ADAMTS18: variants seen among roughly 807,000 people sequenced by gnomAD.
ADAMTS18 encodes the protein ADAM metallopeptidase with thrombospondin type 1 motif 18.
ADAMTS18 carries 157 observed loss-of-function variants against 165.9 expected under a neutral mutation model. The observed-to-expected ratio is 0.95, with a 90% CI of 0.83 to 1.08. The LOEUF is 1.08. Among genes scored for constraint, ADAMTS18 ranks in the 50% least tolerant of loss-of-function variants. The probability of loss-of-function intolerance (pLI) is 0.00; values close to 1 mark genes in which losing one functional copy is unlikely to be tolerated. For missense variants in ADAMTS18, 2,040 were observed against 1,534.0 expected (o/e 1.33, Z -5.51); for synonymous variants, 782 against 578.2 (o/e 1.35, Z -5.06).
intron 3 of ADAMTS18, among the ~76,000 whole-genome samples, chr16:77,388,663 C>G (rs1432434202): frequency 1.3e-5 from 2 of 152,122 alleles, no homozygotes; most frequent in African/African-American, 4.8e-5. Context: ...ATAATGCCTG[C>G]CACACAGTGA....
At chr16:77,387,719 A>T (rs1462389909) in intron 3 of ADAMTS18, among the ~76,000 whole-genome samples, 3 of 152,190 alleles carry the variant, frequency 2.0e-5, no homozygotes, top group Non-Finnish European at 4.4e-5. Flanking sequence ...AAAAAATTTT[A>T]AAAAGTTTTG....
At chr16:77,398,258 A>C (rs993695025) in intron 3 of ADAMTS18, among the ~76,000 whole-genome samples, 2 of 152,124 alleles carry the variant, frequency 1.3e-5, no homozygotes, top group African/African-American at 4.8e-5. Flanking sequence ...CAGAGGTTGC[A>C]GTGAGCCAAG....
At chr16:77,387,974 T>C (rs763235868) in intron 3 of ADAMTS18, among the ~76,000 whole-genome samples, 1 of 152,280 alleles carries the variant, frequency 6.6e-6, no homozygotes, top group Admixed American at 6.5e-5. Flanking sequence ...CCAACCCCCA[T>C]CCTTTACTGC....
At chr16:77,424,320 T>G (rs571509205) in intron 3 of ADAMTS18, among the ~76,000 whole-genome samples, 33 of 152,152 alleles carry the variant, frequency 2.2e-4, no homozygotes, top group South Asian at 8.3e-4. Context: ...AATACAAAAT[T>G]AGCCGGACAT....
intron 18 of ADAMTS18, among the ~76,000 whole-genome samples, chr16:77,296,597 C>T (rs1026937853): frequency 3.3e-5 from 5 of 152,152 alleles, no homozygotes; most frequent in Non-Finnish European, 7.4e-5. Flanking sequence ...CTTTGGGATG[C>T]TGAAAACAGG....
chr16:77,318,213 T>C (rs1305708805), intron 16 of ADAMTS18, among the ~76,000 whole-genome samples: 2 of 152,232 alleles, frequency 1.3e-5, no homozygotes, highest in African/African-American at 2.4e-5. Context: ...TTCTCAGTGT[T>C]TTATGCATTC....
At chr16:77,414,662 G>T (rs2057506901) in intron 3 of ADAMTS18, among the ~76,000 whole-genome samples, 1 of 151,996 alleles carries the variant, frequency 6.6e-6, no homozygotes, top group Admixed American at 6.6e-5. Flanking sequence ...ATTTCATGGG[G>T]GAATAAAACA....
In ADAMTS18 at chr16:77,364,233, A is replaced by G; in HGVS notation, c.927T>C (p.His309=). Residue 309 remains histidine (H), a synonymous_variant, in exon 5 of 23, where the codon CAT becomes CAC. Coordinates refer to ENST00000282849, the MANE Select transcript of ADAMTS18 (RefSeq NM_199355.4). ...VVADKKMVEK[H]GKGNVTTYIL... ...TGTATGTGGTGACATTTCCCTTGCC[A>G]TGCTTTTCCACCATTTTCTTGTCTG... 1.2e-6 allele frequency: 2 copies of G among 1,613,982 alleles called. No individual in the cohort carries two copies.
intron 3 of ADAMTS18, among the ~76,000 whole-genome samples, chr16:77,370,342 A>C (rs1281906009): frequency 2.0e-5 from 3 of 152,242 alleles, no homozygotes; most frequent in African/African-American, 7.2e-5. Context: ...AACTCTAAAG[A>C]AACAATCAAA....
chr16:77,330,409 G>A (rs893657197), intron 12 of ADAMTS18, among the ~76,000 whole-genome samples: 1 of 152,182 alleles, frequency 6.6e-6, no homozygotes, highest in Non-Finnish European at 1.5e-5. Context: ...TTAAGACTAT[G>A]GGAACTTAAT....
chr16:77,377,341 T>C (rs1035830343), intron 3 of ADAMTS18, among the ~76,000 whole-genome samples: 10 of 152,194 alleles, frequency 6.6e-5, no homozygotes, highest in Admixed American at 1.3e-4. Flanking sequence ...TGTGAAGAGC[T>C]TTAAAGATCA....
intron 10 of ADAMTS18, among the ~76,000 whole-genome samples, chr16:77,348,856 T>TG (rs894635405): frequency 2.0e-5 from 3 of 152,156 alleles, no homozygotes; most frequent in African/African-American, 2.4e-5. Flanking sequence ...AGGTAACACT[T>TG]GAATTGAATC....
intron 2 of ADAMTS18, chr16:77,433,290 T>C (rs1264364540): frequency 1.3e-5 from 2 of 152,242 alleles, no homozygotes; most frequent in African/African-American, 4.8e-5. Flanking sequence ...TGGAAGGCTC[T>C]GTAGGAACGT....
At chr16:77,342,115 A>T (rs954183244) in intron 10 of ADAMTS18, among the ~76,000 whole-genome samples, 2 of 152,210 alleles carry the variant, frequency 1.3e-5, no homozygotes, top group Non-Finnish European at 2.9e-5. Flanking sequence ...TAACCGTCGT[A>T]GCAGAATACA....
chr16:77,326,082 C>T (rs370489756), intron 12 of ADAMTS18, 44 bp from the exon 13 acceptor site: 2 of 1,576,194 alleles, frequency 1.3e-6, no homozygotes, highest in Non-Finnish European at 1.7e-6. Context: ...AATCAAAGGG[C>T]TCATTATTAG....
intron 3 of ADAMTS18, among the ~76,000 whole-genome samples, chr16:77,418,670 G>C (rs1324094917): frequency 6.6e-6 from 1 of 152,120 alleles, no homozygotes; most frequent in East Asian, 1.9e-4. Flanking sequence ...GAATATCTAA[G>C]AAAACTTGCT....
chr16:77,357,656 GA>G (rs2056651463), intron 8 of ADAMTS18, among the ~76,000 whole-genome samples: 1 of 152,164 alleles, frequency 6.6e-6, no homozygotes, highest in Non-Finnish European at 1.5e-5. Context: ...ATGTGCGTAA[GA>G]AAATCAAGTC....
At chr16:77,338,661 G>T (rs1201993072) in intron 11 of ADAMTS18, among the ~76,000 whole-genome samples, 3 of 151,928 alleles carry the variant, frequency 2.0e-5, no homozygotes, top group Non-Finnish European at 2.9e-5. Context: ...CTAGATAAAA[G>T]TAAGTGGCTT....
At chr16:77,373,055 T>C (rs979754181) in intron 3 of ADAMTS18, among the ~76,000 whole-genome samples, 3 of 152,144 alleles carry the variant, frequency 2.0e-5, no homozygotes, top group Non-Finnish European at 2.9e-5. Context: ...ACTTCTTCCA[T>C]ACTAAATGGC....
Sources: allele counts gnomAD v4.1 joint callset (sites outside exome capture counted in the v4.1 genomes callset), GRCh38; gene constraint gnomAD v4.1.1; transcripts MANE v1.5; gene names NCBI Gene and HGNC (gene_info 2026-07-23, HGNC 2026-07-21).